The following AHI1 variants were observed in gnomAD, a reference collection of about 807,000 sequenced individuals.
AHI1 encodes the protein jouberin.
AHI1 carries 123 observed loss-of-function variants against 149.3 expected under a neutral mutation model. The ratio of observed to expected loss-of-function variants is 0.82; its 90% confidence interval spans 0.71 to 0.96. The LOEUF is 0.96. Among genes scored for constraint, AHI1 ranks in the 40% least tolerant of loss-of-function variants. The pLI, the probability that AHI1 is intolerant of heterozygous loss-of-function variation, is 0.00. For synonymous variants in AHI1, 475 were observed against 459.8 expected, an observed-to-expected ratio of 1.03 and a Z score of -0.42; for missense variants, 1,439 against 1,422.7, an observed-to-expected ratio of 1.01 and a Z score of -0.18.
rs557086311 is a variant in AHI1, at chr6:135,494,516, G to C, written c.-55+1298C>G. ...ACTTCCTAATCTTTCACAATAATAAGAGTAAATCACTCACAGTGTTTTTAT... is the reference window on the plus strand; with the variant it reads ...ACTTCCTAATCTTTCACAATAATAACAGTAAATCACTCACAGTGTTTTTAT... On this transcript the variant is annotated intron_variant, in intron 3 of 28. Transcript: ENST00000265602. Among the ~76,000 whole-genome samples, 36 of 152,204 alleles carry C rather than the reference G, an allele frequency of 2.4e-4. No homozygotes were observed. The South Asian group carries it at 7.5e-3, about 32-fold the overall frequency.
At chr6:135,352,560 T>C (rs1792288612) in intron 24 of AHI1, among the ~76,000 whole-genome samples, 2 of 152,096 alleles carry the variant, frequency 1.3e-5, no homozygotes, top group African/African-American at 4.8e-5. Flanking sequence ...ATTCCTATAT[T>C]TGGGCACAAA....
chr6:135,375,403 A>G (rs1159375386), intron 23 of AHI1, among the ~76,000 whole-genome samples: 1 of 152,236 alleles, frequency 6.6e-6, no homozygotes, highest in Non-Finnish European at 1.5e-5. Context: ...TAACACGAGT[A>G]GCCATGTAGA....
intron 26 of AHI1, chr6:135,301,314 T>C: frequency 8.2e-6 from 8 of 970,876 alleles, no homozygotes; most frequent in East Asian, 1.1e-4. Flanking sequence ...AGTTCAATAA[T>C]ATACAAATGA....
chr6:135,302,984 G>A (rs566874531), intron 26 of AHI1, among the ~76,000 whole-genome samples: 5 of 152,290 alleles, frequency 3.3e-5, no homozygotes, highest in African/African-American at 1.2e-4. Flanking sequence ...TAGAGAGGAG[G>A]GGATGAAGAG....
At chr6:135,439,070 G>A (rs903063398) in intron 14 of AHI1, among the ~76,000 whole-genome samples, 3 of 152,056 alleles carry the variant, frequency 2.0e-5, no homozygotes, top group African/African-American at 2.4e-5. Flanking sequence ...ATAGTAACAC[G>A]GAAAAACAAA....
intron 27 of AHI1, among the ~76,000 whole-genome samples, chr6:135,294,288 T>A (rs575774860): frequency 7.2e-5 from 11 of 152,176 alleles, no homozygotes; most frequent in Admixed American, 7.2e-4. Context: ...ATCATGCCAT[T>A]GCACTCCAGC....
chr6:135,481,638 T>C (rs1291925658), intron 5 of AHI1, among the ~76,000 whole-genome samples: 1 of 151,490 alleles, frequency 6.6e-6, no homozygotes, highest in Admixed American at 6.6e-5. Flanking sequence ...AATCCTTCTA[T>C]ATCACGTTTA....
intron 24 of AHI1, among the ~76,000 whole-genome samples, chr6:135,326,123 A>T (rs1030854127): frequency 6.6e-6 from 1 of 152,196 alleles, no homozygotes; most frequent in Non-Finnish European, 1.5e-5. Context: ...ATCTGTAAAC[A>T]TGTTCTGCAT....
intron 20 of AHI1, 110 bp downstream of exon 20, chr6:135,427,057 C>A (rs941056133): frequency 9.6e-5 from 105 of 1,098,450 alleles, no homozygotes; most frequent in Non-Finnish European, 1.3e-4. Context: ...CATAAGGGCA[C>A]AATTATTATG....
chr6:135,377,164 T>G (rs1776073278), intron 23 of AHI1, among the ~76,000 whole-genome samples: 1 of 152,078 alleles, frequency 6.6e-6, no homozygotes. Flanking sequence ...GTACTGTGGT[T>G]AGACAGTAAA....
chr6:135,331,629 T>C (rs1481414678), intron 24 of AHI1, among the ~76,000 whole-genome samples: 1 of 152,220 alleles, frequency 6.6e-6, no homozygotes, highest in Non-Finnish European at 1.5e-5. Context: ...TTCAGCAGCA[T>C]AGCTGTTCCT....
chr6:135,394,504 C>A (rs1375147497), intron 23 of AHI1, among the ~76,000 whole-genome samples: 3 of 152,054 alleles, frequency 2.0e-5, no homozygotes, highest in African/African-American at 7.2e-5. Context: ...TCAGATTTAA[C>A]ATCATGCAGG....
intron 24 of AHI1, among the ~76,000 whole-genome samples, chr6:135,340,000 T>C (rs147810815): frequency 6.6e-6 from 1 of 152,298 alleles, no homozygotes; most frequent in East Asian, 1.9e-4. Context: ...GTTAGCGGGA[T>C]GATGCTTTTG....
intron 22 of AHI1, among the ~76,000 whole-genome samples, chr6:135,398,903 G>A (rs1779636764): frequency 6.6e-6 from 1 of 152,076 alleles, no homozygotes; most frequent in Non-Finnish European, 1.5e-5. Flanking sequence ...CTACCTTCAG[G>A]CCAGGCCCAA....
intron 26 of AHI1, among the ~76,000 whole-genome samples, chr6:135,313,429 T>C (rs1583653562): frequency 6.6e-6 from 1 of 152,336 alleles, no homozygotes; most frequent in East Asian, 1.9e-4. Flanking sequence ...AATGGAGTTT[T>C]ATCCTCTGCC....
chr6:135,349,323 G>A (rs1336987683), intron 24 of AHI1, among the ~76,000 whole-genome samples: 1 of 152,148 alleles, frequency 6.6e-6, no homozygotes, highest in Non-Finnish European at 1.5e-5. Context: ...TTTATGAAAT[G>A]AAGAAAAAAG....
intron 5 of AHI1, among the ~76,000 whole-genome samples, chr6:135,470,537 TCA>T (rs2128104855): frequency 6.6e-6 from 1 of 152,122 alleles, no homozygotes; most frequent in Non-Finnish European, 1.5e-5. Flanking sequence ...GCAGCACTAC[TCA>T]CAATAGCAAA....
chr6:135,296,896 G>A (rs568596921), intron 27 of AHI1, among the ~76,000 whole-genome samples: 32 of 152,272 alleles, frequency 2.1e-4, no homozygotes, highest in Admixed American at 1.4e-3. Context: ...TGACTATTAC[G>A]TGTCTGTCTT....
intron 23 of AHI1, among the ~76,000 whole-genome samples, chr6:135,379,618 T>C (rs73559977): frequency 0.012 from 1,773 of 152,302 alleles, 40 homozygotes; most frequent in African/African-American, 0.041. Flanking sequence ...TATTTAAAAA[T>C]AGGTTTCCAG....
Sources: allele counts gnomAD v4.1 joint callset (sites outside exome capture counted in the v4.1 genomes callset), GRCh38; gene constraint gnomAD v4.1.1; transcripts MANE v1.5; gene names NCBI Gene and HGNC (gene_info 2026-07-23, HGNC 2026-07-21).